Variants in TMCO5A observed in about 807,000 individuals in gnomAD.
The protein encoded by TMCO5A is transmembrane and coiled-coil domain-containing protein 5A.
Under a neutral mutation model 42.3 loss-of-function variants are expected in TMCO5A, and 34 were observed. That is an observed-to-expected ratio of 0.80 (90% confidence interval 0.61 to 1.07). The LOEUF (loss-of-function observed/expected upper bound fraction) is 1.07, where lower values mean the gene tolerates loss of function less well. TMCO5A is among the 50% of genes least tolerant of loss of function. TMCO5A has a pLI of 0.00. For synonymous variants in TMCO5A, 131 were observed against 115.6 expected, an observed-to-expected ratio of 1.13 and a Z score of -0.86; for missense variants, 357 against 327.9, an observed-to-expected ratio of 1.09 and a Z score of -0.69.
the TMCO5A span, among the ~76,000 whole-genome samples, chr15:38,009,994 G>A: frequency 6.6e-6 from 1 of 152,108 alleles, no homozygotes. Flanking sequence ...CTCTGCAGAT[G>A]TGATGAAGGT....
At chr15:38,039,068 A>G in the TMCO5A span, among the ~76,000 whole-genome samples, 1 of 152,220 alleles carries the variant, frequency 6.6e-6, no homozygotes, top group Non-Finnish European at 1.5e-5. Flanking sequence ...CAAGAGATTC[A>G]CATCATCAGC....
chr15:38,016,458 A>C, the TMCO5A span, among the ~76,000 whole-genome samples: 1 of 152,192 alleles, frequency 6.6e-6, no homozygotes. Context: ...CCTAAGACAG[A>C]TAATCCAGTG....
chr15:37,986,875 T>C, the TMCO5A span, among the ~76,000 whole-genome samples: 1 of 152,044 alleles, frequency 6.6e-6, no homozygotes, highest in Non-Finnish European at 1.5e-5. Context: ...AACATCGGGG[T>C]ACAGATATCT....
chr15:37,979,280 C>T, the TMCO5A span, among the ~76,000 whole-genome samples: 2 of 152,078 alleles, frequency 1.3e-5, no homozygotes, highest in East Asian at 1.9e-4. Flanking sequence ...TTTGCTCCCT[C>T]CCAAGCCTGA....
At chr15:38,009,392 G>T in the TMCO5A span, among the ~76,000 whole-genome samples, 1 of 152,194 alleles carries the variant, frequency 6.6e-6, no homozygotes, top group East Asian at 1.9e-4. Flanking sequence ...GATTGGGTTT[G>T]TGTAAATGTG....
At chr15:38,024,036 C>T in the TMCO5A span, among the ~76,000 whole-genome samples, 5 of 151,682 alleles carry the variant, frequency 3.3e-5, no homozygotes, top group South Asian at 1.0e-3. Context: ...ATATTAAACA[C>T]CACAATCTCA....
At chr15:37,962,123 C>T (rs909005760) in intron 11 of TMCO5A, among the ~76,000 whole-genome samples, 3 of 152,040 alleles carry the variant, frequency 2.0e-5, no homozygotes, top group Non-Finnish European at 4.4e-5. Flanking sequence ...TTCCAGTTCT[C>T]AGAGGGAATG....
chr15:38,006,443 C>G, the TMCO5A span, among the ~76,000 whole-genome samples: 1 of 152,190 alleles, frequency 6.6e-6, no homozygotes, highest in African/African-American at 2.4e-5. Context: ...TTTTGAGCAC[C>G]TGCAAAAGCT....
At chr15:37,938,114 T>C (rs752205849) in intron 5 of TMCO5A, 44 bp from the exon 6 acceptor site, 1 of 1,506,704 alleles carries the variant, frequency 6.6e-7, no homozygotes, top group Non-Finnish European at 9.0e-7. Context: ...AGTCTTTGCC[T>C]TCTACACCTT....
the TMCO5A span, among the ~76,000 whole-genome samples, chr15:38,012,771 C>T: frequency 6.6e-6 from 1 of 152,094 alleles, no homozygotes; most frequent in African/African-American, 2.4e-5. Context: ...CTTTCTTCGG[C>T]TTCCTGTCCT....
exon 12 of TMCO5A, chr15:37,967,604 C>A (rs1285952621): frequency 1.3e-5 from 2 of 152,110 alleles, no homozygotes; most frequent in African/African-American, 2.4e-5. Context: ...AAAATTCTAC[C>A]TATTAGCTTA....
chr15:37,982,983 C>A, the TMCO5A span, among the ~76,000 whole-genome samples: 1 of 151,864 alleles, frequency 6.6e-6, no homozygotes, highest in African/African-American at 2.4e-5. Context: ...TCTACCTTTC[C>A]CCTCCTCATC....
intron 3 of TMCO5A, 77 bp downstream of exon 3, chr15:37,936,540 C>T (rs1450534668): frequency 2.6e-6 from 4 of 1,519,706 alleles, no homozygotes; most frequent in African/African-American, 2.8e-5. Context: ...CTGAATTTTC[C>T]TGCTTGTTCT....
the TMCO5A span, among the ~76,000 whole-genome samples, chr15:37,985,755 T>C: frequency 1.3e-5 from 2 of 152,182 alleles, no homozygotes; most frequent in African/African-American, 4.8e-5. Flanking sequence ...GTCATTCCTG[T>C]TAATTGAAAA....
Position 37,936,382 on chromosome 15 carries a change from T to C in TMCO5A, c.59T>C (p.Leu20Pro). Residue 20 changes from leucine to proline, a missense_variant, in exon 3 of 12, where the codon CTT becomes CCT. Coordinates refer to ENST00000319669, the MANE Select transcript of TMCO5A (RefSeq NM_152453.4). The part of the protein sequence containing the change: ...KRNIISLNMD[L>P]ERDTQRIDEA... ...AACATTATCAGTTTGAACATGGACC[T>C]TGAAAGGGATACGCAGAGAATAGAT... is the stretch of plus-strand genomic sequence containing the variant. 6.2e-7 allele frequency: 1 copy of C among 1,613,140 alleles called. No individual in the cohort carries two copies.
intron 11 of TMCO5A, among the ~76,000 whole-genome samples, chr15:37,966,283 G>T (rs867978732): frequency 1.1e-4 from 17 of 151,264 alleles, no homozygotes; most frequent in Admixed American, 9.9e-4. Context: ...AGAATGCTTA[G>T]TGGTTTTTTT....
At chr15:38,013,403 G>A in the TMCO5A span, among the ~76,000 whole-genome samples, 7 of 152,050 alleles carry the variant, frequency 4.6e-5, no homozygotes, top group Non-Finnish European at 1.0e-4. Context: ...ACTTGACATG[G>A]TGCCAAGAGG....
chr15:37,956,358 TAAA>T, downstream of TMCO5A, among the ~76,000 whole-genome samples: 1 of 152,004 alleles, frequency 6.6e-6, no homozygotes, highest in Non-Finnish European at 1.5e-5. Flanking sequence ...GCCAGACTAA[TAAA>T]GAAGAAAACA....
At chr15:38,024,639 G>A in the TMCO5A span, 7 of 152,172 alleles carry the variant, frequency 4.6e-5, no homozygotes, top group African/African-American at 1.7e-4. Context: ...GAGTCAGAGT[G>A]GGGAAAAATG....
Sources: allele counts gnomAD v4.1 joint callset (sites outside exome capture counted in the v4.1 genomes callset), GRCh38; gene constraint gnomAD v4.1.1; transcripts MANE v1.5; gene names NCBI Gene and HGNC (gene_info 2026-07-23, HGNC 2026-07-21).